POLR2F: variants seen among roughly 807,000 people sequenced by gnomAD.
The protein encoded by POLR2F is DNA-directed RNA polymerases I, II, and III subunit RPABC2.
POLR2F carries 12 observed loss-of-function variants against 22.7 expected under a neutral mutation model. That is an observed-to-expected ratio of 0.53 (90% CI 0.34 to 0.86). The LOEUF (loss-of-function observed/expected upper bound fraction) is 0.86, where lower values mean the gene tolerates loss of function less well. Ranked by LOEUF, POLR2F falls within the 40% of genes least tolerant of loss-of-function variation. The pLI is 0.02. For synonymous variants in POLR2F, 57 were observed against 66.0 expected, an observed-to-expected ratio of 0.86 and a Z score of 0.66; for missense variants, 126 against 171.5, an observed-to-expected ratio of 0.73 and a Z score of 1.48.
In POLR2F at chr22:37,980,654, C is replaced by A. The variant is rs988572416; in HGVS notation, c.293+13484C>A. 2.0e-5 allele frequency among the ~76,000 whole-genome samples: 3 copies of A among 152,180 alleles called. No homozygotes were observed. The highest frequency in any genetic ancestry group is 7.2e-5 in the African/African-American group (3 of 41,434). The stretch of plus-strand genomic sequence containing the variant: ...CCCACTCAACATTACCAGCCCCAAA[C>A]CCCCAACTTCGCCTCCAGCTCTAAC... On this transcript the variant is annotated intron_variant, in intron 4 of 4. Transcript: ENST00000405557. The surrounding 1 kb of genome is among the most constrained non-coding windows in gnomAD (Gnocchi z 4.1).
chr22:37,977,572 G>A (rs985418326), intron 4 of POLR2F, among the ~76,000 whole-genome samples: 2 of 151,858 alleles, frequency 1.3e-5, no homozygotes, highest in African/African-American at 2.4e-5. Context: ...TGCCCTCCTC[G>A]GCCTCCCAAA....
At chr22:37,983,668 T>TCCG (rs759284353), upstream of POLR2F, 56 of 1,579,392 alleles carry the variant, frequency 3.5e-5, no homozygotes, top group Middle Eastern at 1.8e-4. The surrounding 1 kb of genome is among the most constrained non-coding windows in gnomAD (Gnocchi z 9.5). Context: ...GCAGGCCCGA[T>TCCG]CCGCCGCCGC....
upstream of POLR2F, among the ~76,000 whole-genome samples, chr22:37,985,394 G>A (rs1254328669): frequency 6.6e-6 from 1 of 151,850 alleles, no homozygotes; most frequent in Non-Finnish European, 1.5e-5. Context: ...CAAGGGGTGG[G>A]GACTTGCCCT....
chr22:38,037,728 G>T (rs1480338223), intron 5 of POLR2F, among the ~76,000 whole-genome samples: 1 of 152,108 alleles, frequency 6.6e-6, no homozygotes, highest in Non-Finnish European at 1.5e-5. Flanking sequence ...GAGTAGCTGG[G>T]ACTACAGGCA....
intron 1 of POLR2F, among the ~76,000 whole-genome samples, chr22:37,955,559 T>G (rs1931359342): frequency 6.8e-6 from 1 of 148,108 alleles, no homozygotes; most frequent in African/African-American, 2.5e-5. Context: ...AAAATGCTGA[T>G]GGGAATGATC....
At chr22:38,037,812 T>C (rs1245721625) in intron 5 of POLR2F, among the ~76,000 whole-genome samples, 1 of 152,162 alleles carries the variant, frequency 6.6e-6, no homozygotes, top group Non-Finnish European at 1.5e-5. Flanking sequence ...AGGATAGTCT[T>C]GATCTCCTGA....
chr22:37,986,506 C>T lies in POLR2F; in HGVS notation c.120+194C>T. The T allele has an allele frequency of 7.8e-7, 1 of 1,286,024 alleles. No individual in the cohort carries two copies. Among genetic ancestry groups the T allele is most frequent in the Non-Finnish European group, 1.1e-6 (1 of 919,258 alleles). The allele number at this position is 1,286,024 out of a possible 1,614,324, so 79.7% of individuals were successfully genotyped here. ...CCCCCTCTCTAACTCCCTGCTTCCTCCTTTGCCCTCCTTGGTCCAGCTGTG... is the reference window on the plus strand; with the variant it reads ...CCCCCTCTCTAACTCCCTGCTTCCTTCTTTGCCCTCCTTGGTCCAGCTGTG... On this transcript the variant is annotated intron_variant, in intron 1 of 2. Coordinates refer to the POLR2F transcript ENST00000333418. The surrounding 1 kb of genome is among the most constrained non-coding windows in gnomAD (Gnocchi z 4.7).
chr22:38,041,488 C>T (rs1485971788), downstream of POLR2F: 3 of 270,158 alleles, frequency 1.1e-5, no homozygotes, highest in Non-Finnish European at 2.1e-5. Context: ...AGCCCCCGGA[C>T]ACCTAGCCAA....
intron 5 of POLR2F, among the ~76,000 whole-genome samples, chr22:38,034,690 C>G (rs1040135508): frequency 6.6e-6 from 1 of 152,192 alleles, no homozygotes; most frequent in African/African-American, 2.4e-5. Context: ...ACAGAATGAA[C>G]TAATCCCAGG....
intron 1 of POLR2F, among the ~76,000 whole-genome samples, chr22:38,019,245 C>T (rs1027853576): frequency 3.3e-5 from 5 of 152,014 alleles, no homozygotes; most frequent in African/African-American, 1.2e-4. Flanking sequence ...TGACACCCTC[C>T]ACATCCCCCA....
In POLR2F at chr22:37,997,157, C is replaced by T. The variant is rs1031077288; in HGVS notation, c.120+10845C>T. 6.6e-6 allele frequency among the ~76,000 whole-genome samples: 1 copy of T among 152,120 alleles called. No homozygotes were observed. The highest frequency in any genetic ancestry group is 1.5e-5 in the Non-Finnish European group (1 of 67,990). On this transcript the variant is annotated intron_variant, in intron 1 of 2. Coordinates refer to the POLR2F transcript ENST00000333418. This position sits in a 1 kb window ranked among gnomAD's most constrained non-coding sequence, Gnocchi z 4.4. ...CTGCCAGGAACAAACACAGAGGGGC[C>T]TGGGAGGGCCCTGAGCTTCCCAGCC...
At chr22:38,026,682 A>G (rs1472930524) in exon 3 of POLR2F, 12 of 252,760 alleles carry the variant, frequency 4.7e-5, no homozygotes, top group Non-Finnish European at 7.9e-5. Flanking sequence ...TTTGCCATGC[A>G]TAAGTGTTTC....
upstream of POLR2F, chr22:37,983,823 C>G (rs1289952577): frequency 2.2e-6 from 3 of 1,371,952 alleles, no homozygotes; most frequent in African/African-American, 1.6e-5. This position sits in a 1 kb window ranked among gnomAD's most constrained non-coding sequence, Gnocchi z 9.5. Flanking sequence ...TCGGCCGCCT[C>G]CCCCGGGCCA....
At chr22:37,966,741 G>A (rs1931867210) in intron 3 of POLR2F, among the ~76,000 whole-genome samples, 1 of 152,096 alleles carries the variant, frequency 6.6e-6, no homozygotes, top group Non-Finnish European at 1.5e-5. Context: ...CTCCAGTCTG[G>A]GCAATGGGAG....
chr22:37,983,284 C>T, upstream of POLR2F: 1 of 1,515,392 alleles, frequency 6.6e-7, no homozygotes, highest in Non-Finnish European at 8.9e-7. This position sits in a 1 kb window ranked among gnomAD's most constrained non-coding sequence, Gnocchi z 9.5. Context: ...GTGCAGGAGG[C>T]CGGGCCGCCT....
In POLR2F at chr22:37,980,917, CA is replaced by C. The variant is rs1932376835; in HGVS notation, c.293+13748del. Among the ~76,000 whole-genome samples, 1 of 152,316 alleles carries C rather than the reference CA, an allele frequency of 6.6e-6. No individual in the cohort carries two copies. Among genetic ancestry groups the C allele is most frequent in the South Asian group, 2.1e-4 (1 of 4,826 alleles). ...CTGGGAACAGAGGCTGGGTGACCCC[CA>C]CCACACAGGAGGGACTCTTGCCTGT... is the stretch of plus-strand genomic sequence containing the variant. On this transcript the variant is annotated intron_variant, in intron 4 of 4. Transcript: ENST00000405557. This position sits in a 1 kb window ranked among gnomAD's most constrained non-coding sequence, Gnocchi z 4.1.
intron 4 of POLR2F, 121 bp downstream of exon 4, chr22:37,967,291 C>G: frequency 6.5e-7 from 1 of 1,541,590 alleles, no homozygotes; most frequent in Non-Finnish European, 8.7e-7. Context: ...TCCTACAGAT[C>G]CTTAGGAACA....
At chr22:38,010,996 G>C (rs2084867398) in intron 1 of POLR2F, among the ~76,000 whole-genome samples, 1 of 152,080 alleles carries the variant, frequency 6.6e-6, no homozygotes, top group African/African-American at 2.4e-5. Context: ...TATGAGTTGT[G>C]CATTTCATGT....
At chr22:38,007,852 C>T (rs1403851881) in intron 1 of POLR2F, among the ~76,000 whole-genome samples, 2 of 152,220 alleles carry the variant, frequency 1.3e-5, no homozygotes, top group African/African-American at 4.8e-5. Context: ...AGGACTGAGG[C>T]CTGCGCGAGT....
Sources: gnomAD v4.1 joint callset for allele counts (sites outside exome capture counted in the v4.1 genomes callset) on GRCh38, gnomAD v4.1.1 for gene constraint, Gnocchi (gnomAD v3.1) non-coding constraint, MANE v1.5 for transcripts, NCBI Gene and HGNC (gene_info 2026-07-23, HGNC 2026-07-21) for gene names.